TMEM51: variants seen among roughly 807,000 people sequenced by gnomAD.
TMEM51 encodes transmembrane protein 51.
A neutral mutation model predicts 13.6 loss-of-function variants in TMEM51; 8 were observed. The ratio of observed to expected loss-of-function variants is 0.59; its 90% confidence interval spans 0.35 to 1.07. The LOEUF (loss-of-function observed/expected upper bound fraction) is 1.07, where lower values mean the gene tolerates loss of function less well. Ranked by LOEUF, TMEM51 falls within the 50% of genes least tolerant of loss-of-function variation. The pLI is 0.02. For missense variants in TMEM51, 279 were observed against 330.7 expected (o/e 0.84, Z 1.21); for synonymous variants, 147 against 144.4 (o/e 1.02, Z -0.13).
rs539567816 is a variant in TMEM51, at chr1:15,219,872, C to T, written c.*129C>T. On this transcript the variant is annotated 3_prime_UTR_variant, in exon 4 of 4. Coordinates refer to ENST00000376008, the MANE Select transcript of TMEM51 (RefSeq NM_001136218.2). The stretch of plus-strand genomic sequence containing the variant: ...GTGCATGGAGCCATTTGGATGGCGG[C>T]GGGCGGGGGGGGATTCTCTGTATCA... The T allele has an allele frequency of 1.5e-5, 16 of 1,037,462 alleles. No individual in the cohort carries two copies. Among genetic ancestry groups the T allele is most frequent in the South Asian group, 5.0e-5 (3 of 60,502 alleles). The allele number at this position is 1,037,462 out of a possible 1,614,324, so 64.3% of individuals were successfully genotyped here. A position where few individuals can be genotyped will look rare whatever the true frequency, so the allele number is the denominator to read the frequency against.
At chr1:15,187,980 G>A (rs1643836612) in intron 1 of TMEM51, among the ~76,000 whole-genome samples, 1 of 152,208 alleles carries the variant, frequency 6.6e-6, no homozygotes, top group Admixed American at 6.5e-5. Context: ...TGCTCGCGCT[G>A]TTGGCACCAA....
intron 1 of TMEM51, among the ~76,000 whole-genome samples, chr1:15,165,632 G>A (rs1165753574): frequency 2.6e-5 from 4 of 152,020 alleles, no homozygotes; most frequent in South Asian, 2.1e-4. Flanking sequence ...ATTTTATCCC[G>A]AGGTAACAAT....
At chr1:15,179,142 A>G (rs900410207) in intron 1 of TMEM51, among the ~76,000 whole-genome samples, 14 of 144,024 alleles carry the variant, frequency 9.7e-5, no homozygotes, top group Admixed American at 6.9e-4. Context: ...TCGCACCCCA[A>G]CTGGGCAGCT....
intron 1 of TMEM51, among the ~76,000 whole-genome samples, chr1:15,174,079 G>T (rs898858961): frequency 6.6e-6 from 1 of 152,108 alleles, no homozygotes; most frequent in African/African-American, 2.4e-5. Flanking sequence ...TTGCAGTTCC[G>T]CTGGAAGGAG....
At chr1:15,179,260 G>A (rs1256852002) in intron 1 of TMEM51, among the ~76,000 whole-genome samples, 2 of 152,148 alleles carry the variant, frequency 1.3e-5, no homozygotes, top group Non-Finnish European at 2.9e-5. Context: ...TTTCACACAG[G>A]CTGGTACACA....
At chr1:15,182,161 C>CAAAT (rs56106721) in intron 1 of TMEM51, among the ~76,000 whole-genome samples, 2,063 of 139,550 alleles carry the variant, frequency 0.015, 32 homozygotes, top group Middle Eastern at 0.032. Flanking sequence ...AACTCCATCT[C>CAAAT]AAATAAATAA....
chr1:15,164,247 T>G (rs1176119390), intron 1 of TMEM51: 4 of 419,974 alleles, frequency 9.5e-6, no homozygotes, highest in Non-Finnish European at 1.9e-5. Context: ...GCATTTTTAT[T>G]CACCAGGATC....
intron 1 of TMEM51, among the ~76,000 whole-genome samples, chr1:15,162,631 T>C (rs1051209990): frequency 2.0e-5 from 3 of 152,088 alleles, no homozygotes; most frequent in African/African-American, 7.3e-5. Context: ...CATCAAAGGA[T>C]GAATGAATAA....
intron 1 of TMEM51, among the ~76,000 whole-genome samples, chr1:15,182,099 TGCAGTTA>T (rs962260802): frequency 3.9e-5 from 6 of 152,048 alleles, no homozygotes; most frequent in Middle Eastern, 3.4e-3. Context: ...AGGTGGAGGT[TGCAGTTA>T]GCCGAGATTG....
chr1:15,169,214 A>G (rs1301270063), intron 1 of TMEM51, among the ~76,000 whole-genome samples: 1 of 152,176 alleles, frequency 6.6e-6, no homozygotes, highest in Non-Finnish European at 1.5e-5. Context: ...ATTCTGAACT[A>G]TGATGCTATG....
chr1:15,181,908 C>T (rs1189898185), intron 1 of TMEM51, among the ~76,000 whole-genome samples: 1 of 152,120 alleles, frequency 6.6e-6, no homozygotes, highest in Non-Finnish European at 1.5e-5. Context: ...GCCTGTTAAT[C>T]CCAGCACTTT....
At chr1:15,178,250 G>T (rs1487154053) in intron 1 of TMEM51, among the ~76,000 whole-genome samples, 1 of 152,102 alleles carries the variant, frequency 6.6e-6, no homozygotes, top group Non-Finnish European at 1.5e-5. Flanking sequence ...GGAGTAGAGC[G>T]GTCCCTTCGG....
intron 1 of TMEM51, among the ~76,000 whole-genome samples, chr1:15,208,167 G>A (rs1318474937): frequency 6.6e-6 from 1 of 152,158 alleles, no homozygotes; most frequent in Non-Finnish European, 1.5e-5. Context: ...GATTACTACT[G>A]ACTGCAAAGT....
intron 1 of TMEM51, chr1:15,192,280 T>G: frequency 5.5e-6 from 2 of 364,980 alleles, no homozygotes; most frequent in South Asian, 5.0e-5. Context: ...TGAAGGGAGT[T>G]GATTGAATAA....
intron 1 of TMEM51, among the ~76,000 whole-genome samples, chr1:15,179,500 T>G (rs1038663939): frequency 1.3e-5 from 2 of 152,284 alleles, no homozygotes; most frequent in Middle Eastern, 3.4e-3. Flanking sequence ...CCCTAAACTT[T>G]TGGCCGGTGC....
At chr1:15,174,552 T>G (rs1643395294) in intron 1 of TMEM51, among the ~76,000 whole-genome samples, 1 of 152,194 alleles carries the variant, frequency 6.6e-6, no homozygotes, top group Non-Finnish European at 1.5e-5. Context: ...CCCCTCATTT[T>G]CCTATATCGG....
chr1:15,201,548 TGTAAC>T (rs1211140351), intron 1 of TMEM51, among the ~76,000 whole-genome samples: 1 of 152,108 alleles, frequency 6.6e-6, no homozygotes, highest in Non-Finnish European at 1.5e-5. Context: ...AATTCCGAAA[TGTAAC>T]AGTTGGAAAA....
intron 1 of TMEM51, among the ~76,000 whole-genome samples, chr1:15,172,065 T>G (rs1643295963): frequency 6.6e-6 from 1 of 152,116 alleles, no homozygotes; most frequent in Non-Finnish European, 1.5e-5. Flanking sequence ...CGTTTGAAAC[T>G]TCTGAAGTAT....
intron 1 of TMEM51, among the ~76,000 whole-genome samples, chr1:15,159,907 C>A (rs956622025): frequency 1.3e-5 from 2 of 152,172 alleles, no homozygotes; most frequent in African/African-American, 2.4e-5. Context: ...GCCTGAGAGG[C>A]CTTTGAGATG....
Sources: allele counts gnomAD v4.1 joint callset (sites outside exome capture counted in the v4.1 genomes callset), GRCh38; gene constraint gnomAD v4.1.1; transcripts MANE v1.5; gene names NCBI Gene and HGNC (gene_info 2026-07-23, HGNC 2026-07-21).